The following UHRF2 variants were observed in gnomAD, a reference collection of about 807,000 sequenced individuals.
The protein encoded by UHRF2 is E3 ubiquitin-protein ligase UHRF2.
Under a neutral mutation model 96.8 loss-of-function variants are expected in UHRF2, and 23 were observed. That is an observed-to-expected ratio of 0.24 (90% confidence interval 0.17 to 0.34). UHRF2 has a LOEUF of 0.34. Among genes scored for constraint, UHRF2 ranks in the 10% least tolerant of loss-of-function variants. The pLI is 1.00. For synonymous variants in UHRF2, 385 were observed against 332.6 expected, an observed-to-expected ratio of 1.16 and a Z score of -1.72; for missense variants, 685 against 981.5, an observed-to-expected ratio of 0.70 and a Z score of 4.04.
chr9:6,414,378 C>T (rs1819468650), intron 1 of UHRF2, among the ~76,000 whole-genome samples: 1 of 152,190 alleles, frequency 6.6e-6, no homozygotes, highest in African/African-American at 2.4e-5. Flanking sequence ...AGACTGTTTG[C>T]TTTTCTTACT....
intron 2 of UHRF2, among the ~76,000 whole-genome samples, chr9:6,431,659 T>G (rs528848841): frequency 2.0e-5 from 3 of 152,166 alleles, no homozygotes; most frequent in African/African-American, 4.8e-5. Flanking sequence ...TGAGCTGATA[T>G]GTTCTATGTG....
At chr9:6,469,516 C>CA (rs537832867) in intron 4 of UHRF2, among the ~76,000 whole-genome samples, 84 of 143,936 alleles carry the variant, frequency 5.8e-4, no homozygotes, top group Non-Finnish European at 8.4e-4. Context: ...GACTCTGTCT[C>CA]AAAAAAAAAA....
intron 3 of UHRF2, among the ~76,000 whole-genome samples, chr9:6,443,060 A>G (rs1821273026): frequency 6.6e-6 from 1 of 152,222 alleles, no homozygotes; most frequent in Admixed American, 6.5e-5. Flanking sequence ...AGTAAGCTAG[A>G]AAACACCTAG....
chr9:6,436,619 T>C (rs1206858336), intron 3 of UHRF2, among the ~76,000 whole-genome samples: 1 of 152,224 alleles, frequency 6.6e-6, no homozygotes, highest in Non-Finnish European at 1.5e-5. Context: ...TAAGGAACTT[T>C]AAATAGTGAA....
At chr9:6,483,908 C>G (rs1175902466) in intron 8 of UHRF2, among the ~76,000 whole-genome samples, 1 of 152,090 alleles carries the variant, frequency 6.6e-6, no homozygotes, top group Non-Finnish European at 1.5e-5. Flanking sequence ...AGGCTGGTCT[C>G]GAACTCCCAA....
intron 3 of UHRF2, among the ~76,000 whole-genome samples, chr9:6,437,664 C>A (rs561641491): frequency 6.6e-6 from 1 of 152,180 alleles, no homozygotes; most frequent in South Asian, 2.1e-4. Context: ...GTGGCCCAGG[C>A]TGGAGTGCAG....
At chr9:6,495,179 A>T (rs1206246959) in intron 10 of UHRF2, 1 of 152,204 alleles carries the variant, frequency 6.6e-6, no homozygotes, top group African/African-American at 2.4e-5. Context: ...ACTACCCACC[A>T]TTGTAATGTA....
At chr9:6,420,484 C>T (rs1040193065) in intron 1 of UHRF2, among the ~76,000 whole-genome samples, 8 of 151,088 alleles carry the variant, frequency 5.3e-5, no homozygotes, top group African/African-American at 1.9e-4. Flanking sequence ...GGGTGGATCA[C>T]GAGGTCAGGA....
chr9:6,450,584 A>T (rs1821799472), intron 3 of UHRF2, among the ~76,000 whole-genome samples: 1 of 152,200 alleles, frequency 6.6e-6, no homozygotes, highest in South Asian at 2.1e-4. Context: ...TGATACACTC[A>T]AAATTTGTTA....
At chr9:6,498,304 G>A in intron 12 of UHRF2, 146 bp downstream of exon 12, 1 of 846,096 alleles carries the variant, frequency 1.2e-6, no homozygotes, top group Non-Finnish European at 1.7e-6. Flanking sequence ...ATAGACAGAG[G>A]AAAAGAAGAG....
chr9:6,480,306 A>G (rs1285511266), intron 6 of UHRF2, among the ~76,000 whole-genome samples: 3 of 152,200 alleles, frequency 2.0e-5, no homozygotes, highest in Non-Finnish European at 2.9e-5. Flanking sequence ...ACTTTCTGAA[A>G]TTCTTTCCGT....
intron 4 of UHRF2, among the ~76,000 whole-genome samples, chr9:6,462,175 A>G (rs934432908): frequency 2.0e-5 from 3 of 152,150 alleles, no homozygotes; most frequent in African/African-American, 4.8e-5. Flanking sequence ...TTGGAACACA[A>G]CAGTGGCCAT....
chr9:6,475,925 C>T (rs1294610886), intron 5 of UHRF2, among the ~76,000 whole-genome samples: 2 of 152,058 alleles, frequency 1.3e-5, no homozygotes, highest in South Asian at 2.1e-4. Flanking sequence ...TTGAAACATA[C>T]AGTAAATGTT....
intron 8 of UHRF2, among the ~76,000 whole-genome samples, chr9:6,485,006 T>C (rs1312865635): frequency 3.9e-5 from 6 of 151,960 alleles, no homozygotes. Context: ...TTGGTCAGGC[T>C]GGTCTCAAAC....
intron 10 of UHRF2, chr9:6,495,906 A>T (rs1255609955): frequency 6.6e-6 from 1 of 152,292 alleles, no homozygotes; most frequent in Middle Eastern, 3.4e-3. Context: ...TAATATCTCA[A>T]TAGGTATTCT....
rs1490008590 is a variant in UHRF2 at position 6,460,705 on chromosome 9, A to G, written c.777A>G (p.Gln259=). 27 of 1,613,970 alleles carry G rather than the reference A, an allele frequency of 1.7e-5. No homozygotes were observed. The highest frequency in any genetic ancestry group is 2.2e-5 in the East Asian group (1 of 44,840). ...ATTATAATGTAGAAAGTCCTGGACA[A>G]AGAGGATTCTGGTTTGATGCAGAAA... is the stretch of plus-strand genomic sequence containing the variant. ...MVNYNVESPG[Q]RGFWFDAEIT... The change falls in exon 4 of 16, where the codon CAA becomes CAG. Residue 259 remains glutamine, a synonymous_variant. Transcript: ENST00000276893.
intron 3 of UHRF2, among the ~76,000 whole-genome samples, chr9:6,444,158 C>A (rs1265920438): frequency 1.3e-5 from 2 of 152,262 alleles, no homozygotes; most frequent in South Asian, 2.1e-4. Flanking sequence ...AATTAAGTGT[C>A]ATGTCAGTCT....
chr9:6,431,438 C>T (rs1820556940), intron 2 of UHRF2, among the ~76,000 whole-genome samples: 1 of 152,064 alleles, frequency 6.6e-6, no homozygotes, highest in African/African-American at 2.4e-5. Context: ...CAAACTCTGT[C>T]TCTACAAGAA....
At chr9:6,497,868 T>G (rs1825064438) in intron 11 of UHRF2, 150 bp from the exon 12 acceptor site, 1 of 927,348 alleles carries the variant, frequency 1.1e-6, no homozygotes, top group South Asian at 1.8e-5. Flanking sequence ...AAAACTGTTT[T>G]AGTGAATATT....
Sources: allele counts gnomAD v4.1 joint callset (sites outside exome capture counted in the v4.1 genomes callset), GRCh38; gene constraint gnomAD v4.1.1; transcripts MANE v1.5; gene names NCBI Gene and HGNC (gene_info 2026-07-23, HGNC 2026-07-21).